PSMD4: variants seen among roughly 807,000 people sequenced by gnomAD.
The protein encoded by PSMD4 is proteasome 26S subunit ubiquitin receptor, non-ATPase 4, also known as 26S proteasome non-ATPase regulatory subunit 4.
PSMD4 carries 5 observed loss-of-function variants against 39.7 expected under a neutral mutation model. The ratio of observed to expected loss-of-function variants is 0.13; its 90% confidence interval spans 0.07 to 0.26. The LOEUF is 0.26. Among genes scored for constraint, PSMD4 ranks in the 10% least tolerant of loss-of-function variants. PSMD4 has a pLI of 1.00. For synonymous variants in PSMD4, 143 were observed against 174.6 expected (o/e 0.82, Z 1.43); for missense variants, 272 against 486.1 (o/e 0.56, Z 4.14).
At chr1:151,265,019 T>C in intron 4 of PSMD4, 101 bp downstream of exon 4, 3 of 1,349,990 alleles carry the variant, frequency 2.2e-6, no homozygotes, top group Non-Finnish European at 3.1e-6. Flanking sequence ...GCTCATCACT[T>C]TGGGGAAAGG....
At position 151,267,193 on chromosome 1, in the gene PSMD4, G is replaced by A. The variant is rs1302160270; in HGVS notation, c.984G>A (p.Val328=). The stretch of plus-strand genomic sequence containing the variant: ...TGCAGGAGGAGGATGATTACGACGT[G>A]ATGCAGGACCCCGAGTTCCTTCAGA... ...EPAKEEDDYD[V]MQDPEFLQSV... Residue 328 remains valine (V), a synonymous_variant, in exon 10 of 10, where the codon GTG becomes GTA. Transcript: ENST00000368884. 1 of 1,613,882 alleles carries A rather than the reference G, an allele frequency of 6.2e-7. No individual in the cohort carries two copies. Among genetic ancestry groups the A allele is most frequent in the Admixed American group, 1.7e-5 (1 of 60,004 alleles).
chr1:151,256,727 T>C (rs940497507), intron 1 of PSMD4, among the ~76,000 whole-genome samples: 1 of 150,370 alleles, frequency 6.7e-6, no homozygotes, highest in African/African-American at 2.4e-5. Context: ...GTTGAGCCAC[T>C]GTGCCCGGCT....
In PSMD4 at chr1:151,261,180, C is replaced by CTT. The variant is rs587653164; in HGVS notation, c.27-963_27-962dup. 6.0e-3 allele frequency among the ~76,000 whole-genome samples: 719 copies of CTT among 119,986 alleles called. 11 individuals are homozygous for CTT. Among genetic ancestry groups the CTT allele is most frequent in the African/African-American group, 0.02 (651 of 31,934 alleles). The allele number at this position is 119,986 out of a possible 152,430, so 78.7% of individuals were successfully genotyped here. ...TTTTATAGATTTTTTTTTTCTTTTT[C>CTT]TTTTTTTTTTTTTTTTTTTGAGACG... On this transcript the variant is annotated intron_variant, in intron 1 of 9. Coordinates refer to ENST00000368884, the MANE Select transcript of PSMD4 (RefSeq NM_002810.4).
intron 8 of PSMD4, 32 bp from the exon 9 acceptor site, chr1:151,266,488 T>G (rs1482255883): frequency 6.2e-7 from 1 of 1,614,026 alleles, no homozygotes; most frequent in African/African-American, 1.3e-5. Context: ...GGTGAGGAAG[T>G]GTAACTGAAC....
intron 4 of PSMD4, 31 bp downstream of exon 4, chr1:151,264,949 G>T: frequency 6.3e-7 from 1 of 1,576,446 alleles, no homozygotes; most frequent in Non-Finnish European, 8.7e-7. Context: ...GGGAATGTGG[G>T]GAGCCCATGT....
intron 1 of PSMD4, among the ~76,000 whole-genome samples, chr1:151,259,932 CT>C (rs1197718759): frequency 1.2e-4 from 18 of 151,930 alleles, no homozygotes; most frequent in African/African-American, 4.1e-4. Context: ...AGTGTGGTGG[CT>C]CATGCCTGTA....
At chr1:151,256,365 A>AT (rs1693169490) in intron 1 of PSMD4, among the ~76,000 whole-genome samples, 6 of 52,592 alleles carry the variant, frequency 1.1e-4, no homozygotes, top group African/African-American at 5.5e-4. Flanking sequence ...AATAATAATA[A>AT]AATAAATAAA....
At chr1:151,267,068 G>A (rs1398704716) in intron 9 of PSMD4, 105 bp from the exon 10 acceptor site, 3 of 1,376,240 alleles carry the variant, frequency 2.2e-6, no homozygotes, top group Non-Finnish European at 3.1e-6. Flanking sequence ...TCCCCACACA[G>A]TCAGAAGGCA....
chr1:151,263,845 A>T lies in PSMD4; in HGVS notation c.168-69A>T, dbSNP rs771193497. ...ACTCCGTCTAAAAAATAAATAAATA[A>T]AAGTTAGACACAGTTTAGAGGTACT... On this transcript the variant is annotated intron_variant, in intron 2 of 9. Transcript: ENST00000368884. The T allele has an allele frequency of 5.5e-6, 6 of 1,095,988 alleles. No individual in the cohort carries two copies. The South Asian group carries it at 7.5e-5, about 14-fold the overall frequency. The allele number at this position is 1,095,988 out of a possible 1,614,324, so 67.9% of individuals were successfully genotyped here.
chr1:151,263,706 C>T, intron 2 of PSMD4: 1 of 332,144 alleles, frequency 3.0e-6, no homozygotes, highest in Non-Finnish European at 5.6e-6. Context: ...TAGTGGGTGC[C>T]CGTAGTCCCA....
At chr1:151,263,611 G>A (rs759396631) in intron 2 of PSMD4, among the ~76,000 whole-genome samples, 116 of 151,996 alleles carry the variant, frequency 7.6e-4, no homozygotes, top group Non-Finnish European at 1.3e-3. Context: ...GGCGGATTAC[G>A]AGGTCAGGAG....
In PSMD4 at chr1:151,258,856, A is replaced by G. The variant is rs146697265; in HGVS notation, c.27-3305A>G. On this transcript the variant is annotated intron_variant, in intron 1 of 9. Coordinates refer to ENST00000368884, the MANE Select transcript of PSMD4 (RefSeq NM_002810.4). ...GTTAAGCCCAGGAGTTTGAGGTTAC[A>G]GTGAGCTATGATTTCACCACTGGCC... Among the ~76,000 whole-genome samples, 689 of 152,174 alleles carry G rather than the reference A, an allele frequency of 4.5e-3. 7 individuals carry two copies. The highest frequency in any genetic ancestry group is 0.016 in the African/African-American group (654 of 41,518).
At chr1:151,260,857 T>C (rs1693299905) in intron 1 of PSMD4, among the ~76,000 whole-genome samples, 1 of 151,308 alleles carries the variant, frequency 6.6e-6, no homozygotes, top group Non-Finnish European at 1.5e-5. Context: ...GATTTTTTTT[T>C]TTTTTTTTGA....
intron 3 of PSMD4, among the ~76,000 whole-genome samples, chr1:151,264,340 TAAAAA>T (rs10535117): frequency 4.3e-5 from 6 of 140,226 alleles, no homozygotes; most frequent in Admixed American, 1.4e-4. Flanking sequence ...CCTGTTTCTC[TAAAAA>T]AAAAAAAAAA....
chr1:151,262,218 C>G lies in PSMD4; in HGVS notation c.84C>G (p.Ala28=), dbSNP rs1693334784. The G allele has an allele frequency of 3.7e-6, 6 of 1,614,086 alleles. No homozygotes were observed. Among genetic ancestry groups the G allele is most frequent in the African/African-American group, 1.3e-5 (1 of 75,016 alleles). Residue 28 remains alanine (A), a synonymous_variant, in exon 2 of 10, where the codon GCC becomes GCG. Transcript: ENST00000368884. ...ACTTCTTACCCACCAGGCTGCAGGC[C>G]CAGCAGGATGCTGTCAACATAGTTT... ...NGDFLPTRLQ[A]QQDAVNIVCH...
At chr1:151,261,628 G>A (rs1408896280) in intron 1 of PSMD4, among the ~76,000 whole-genome samples, 2 of 152,066 alleles carry the variant, frequency 1.3e-5, no homozygotes. Context: ...ACCACCTTTG[G>A]TGCTCATCAG....
chr1:151,265,615 C>T lies in PSMD4; in HGVS notation c.654+6C>T. 1 of 1,613,346 alleles carries T rather than the reference C, an allele frequency of 6.2e-7. No homozygotes were observed. The highest frequency in any genetic ancestry group is 1.1e-5 in the South Asian group (1 of 91,062). ...CTGATCCTGAGCTGGCCTTGGTGAG[C>T]AAATGTTGACCCCAGGTAGAGTCCA... On this transcript the variant is annotated splice_donor_region_variant and intron_variant, in intron 6 of 9. Coordinates refer to ENST00000368884, the MANE Select transcript of PSMD4 (RefSeq NM_002810.4).
intron 1 of PSMD4, chr1:151,258,916 A>G (rs918206211): frequency 6.6e-6 from 1 of 152,196 alleles, no homozygotes; most frequent in African/African-American, 2.4e-5. Context: ...TCCTGTCTCA[A>G]AAAAATATGT....
At chr1:151,267,087 C>A in intron 9 of PSMD4, 86 bp from the exon 10 acceptor site, 1 of 1,514,032 alleles carries the variant, frequency 6.6e-7, no homozygotes. Context: ...CAGGGGGCCT[C>A]TGGCAGCGGC....
Sources: allele counts gnomAD v4.1 joint callset (sites outside exome capture counted in the v4.1 genomes callset), GRCh38; gene constraint gnomAD v4.1.1; transcripts MANE v1.5; gene names NCBI Gene and HGNC (gene_info 2026-07-23, HGNC 2026-07-21).